The following LARP1B variants were observed in gnomAD, a reference collection of about 807,000 sequenced individuals.
LARP1B encodes the protein la-related protein 1B.
LARP1B carries 76 observed loss-of-function variants against 114.2 expected under a neutral mutation model. The ratio of observed to expected loss-of-function variants is 0.67; its 90% CI spans 0.55 to 0.81. The LOEUF is 0.81. LARP1B is among the 30% of genes least tolerant of loss of function. The pLI is 0.00. For synonymous variants in LARP1B, 345 were observed against 348.0 expected, an observed-to-expected ratio of 0.99 and a Z score of 0.10; for missense variants, 1,014 against 1,075.8, an observed-to-expected ratio of 0.94 and a Z score of 0.80.
chr4:128,206,845 A>G (rs113558519), intron 18 of LARP1B: 17 of 985,220 alleles, frequency 1.7e-5, no homozygotes, highest in Non-Finnish European at 2.0e-5. Flanking sequence ...TCAGCAGGTA[A>G]GCTTGGAAAG....
intron 15 of LARP1B, among the ~76,000 whole-genome samples, chr4:128,191,930 A>G (rs62336168): frequency 0.64 from 97,605 of 151,912 alleles, 31,716 homozygotes; most frequent in Middle Eastern, 0.8. Flanking sequence ...GGCAGATTGC[A>G]GAAAAGGCAT....
At chr4:128,067,969 C>T (rs1353671396) in intron 1 of LARP1B, among the ~76,000 whole-genome samples, 1 of 152,106 alleles carries the variant, frequency 6.6e-6, no homozygotes, top group African/African-American at 2.4e-5. Context: ...CAAGCTCCGC[C>T]TCCCGGGTTC....
chr4:128,096,026 C>T (rs1777841738), intron 7 of LARP1B, among the ~76,000 whole-genome samples: 1 of 142,416 alleles, frequency 7.0e-6, no homozygotes. Context: ...CGGAGTCTCG[C>T]TCTGTTGCCC....
intron 8 of LARP1B, among the ~76,000 whole-genome samples, chr4:128,104,454 C>T (rs780444931): frequency 1.3e-5 from 2 of 151,538 alleles, no homozygotes; most frequent in African/African-American, 4.9e-5. Flanking sequence ...TGCTTTCTTC[C>T]TTTTTTTTGA....
At chr4:128,203,381 T>TC (rs553380819) in intron 17 of LARP1B, among the ~76,000 whole-genome samples, 1 of 140,658 alleles carries the variant, frequency 7.1e-6, no homozygotes, top group Non-Finnish European at 1.5e-5. Flanking sequence ...TCCCTTCCTT[T>TC]CTTTTTTTCT....
intron 12 of LARP1B, among the ~76,000 whole-genome samples, chr4:128,162,576 G>A (rs1323172772): frequency 1.3e-5 from 2 of 152,024 alleles, no homozygotes; most frequent in Non-Finnish European, 2.9e-5. Flanking sequence ...TAAGATTGCT[G>A]GGAATGTTTC....
chr4:128,207,421 C>T, intron 19 of LARP1B, 38 bp downstream of exon 19: 1 of 1,346,820 alleles, frequency 7.4e-7, no homozygotes, highest in Non-Finnish European at 9.8e-7. Flanking sequence ...TTTTTATTAT[C>T]CATATATTTC....
At chr4:128,069,303 T>C in intron 1 of LARP1B, 1 of 851,824 alleles carries the variant, frequency 1.2e-6, no homozygotes, top group Non-Finnish European at 2.0e-6. Context: ...AGCCCCACAG[T>C]GGCATCCAGC....
At chr4:128,218,877 A>ATTT (rs1282605754) in intron 6 of LARP1B, among the ~76,000 whole-genome samples, 1 of 45,814 alleles carries the variant, frequency 2.2e-5, no homozygotes, top group Non-Finnish European at 4.5e-5. Flanking sequence ...ATGGGAGAAA[A>ATTT]TTTTCGCAAC....
rs1785181250 is a variant in LARP1B at position 128,114,600 on chromosome 4, G to C, written c.1019G>C (p.Ser340Thr). ...ESAPNSPRIGSPLSPKKNSET... is the reference protein window; with the variant it reads ...ESAPNSPRIGTPLSPKKNSET... Reference sequence around the variant, plus strand: ...GCCCCAAATTCTCCAAGAATTGGAAGCCCATTGAGCCCAAAGAAAAACAGT... The same window carrying C: ...GCCCCAAATTCTCCAAGAATTGGAACCCCATTGAGCCCAAAGAAAAACAGT... Residue 340 changes from serine to threonine, a missense_variant, in exon 10 of 20, where the codon AGC becomes ACC. Coordinates refer to ENST00000326639, the MANE Select transcript of LARP1B (RefSeq NM_018078.4). 1 of 1,612,058 alleles carries C rather than the reference G, an allele frequency of 6.2e-7. No individual in the cohort carries two copies. Among genetic ancestry groups the C allele is most frequent in the Admixed American group, 1.7e-5 (1 of 59,858 alleles).
chr4:128,079,985 T>TA (rs1280992732), intron 4 of LARP1B, among the ~76,000 whole-genome samples: 84 of 150,220 alleles, frequency 5.6e-4, no homozygotes, highest in Middle Eastern at 3.4e-3. Flanking sequence ...CTAAAATTTG[T>TA]CTTTTTTTTT....
At chr4:128,161,336 T>C (rs10000748) in intron 11 of LARP1B, among the ~76,000 whole-genome samples, 134,695 of 152,156 alleles carry the variant, frequency 0.89, 59,926 homozygotes, top group African/African-American at 0.97. Context: ...CCGGAAACAC[T>C]TAAGTGACTA....
At position 128,155,694 on chromosome 4, in the gene LARP1B, G is replaced by A; in HGVS notation, c.1525-6500G>A. 4 of 1,606,394 alleles carry A rather than the reference G, an allele frequency of 2.5e-6. No homozygotes were observed. The South Asian group carries it at 3.3e-5, about 13-fold the overall frequency. ...CAAGGCCTTGTGAACAGATCAGCCC[G>A]GAGGAAGAGGAGCGCCGCCGAGTAA... On this transcript the variant is annotated intron_variant, in intron 11 of 19. Transcript: ENST00000326639.
chr4:128,086,503 T>A (rs1773617869), intron 5 of LARP1B, among the ~76,000 whole-genome samples: 1 of 152,004 alleles, frequency 6.6e-6, no homozygotes, highest in African/African-American at 2.4e-5. Flanking sequence ...TAATTTTGTA[T>A]TTTTTTGTAG....
Position 128,122,061 on chromosome 4 carries a change from G to T in LARP1B, c.1397G>T (p.Arg466Leu). The change falls in exon 11 of 20, where the codon CGA (arginine) becomes CTA (leucine). Residue 466 changes from arginine (R) to leucine (L), a missense_variant. Transcript: ENST00000326639. ...GTGAAAAAACATCCTGGAGGAGATC[G>T]AACAGGCACCCACATGTCTCGGGCA... ...PYVKKHPGGD[R>L]TGTHMSRAKI... 6.2e-7 allele frequency: 1 copy of T among 1,614,016 alleles called. No homozygotes were observed. Among genetic ancestry groups the T allele is most frequent in the Non-Finnish European group, 8.5e-7 (1 of 1,179,984 alleles).
At position 128,101,334 on chromosome 4, in the gene LARP1B, A is replaced by G. The variant is rs189088342; in HGVS notation, c.813+3004A>G. 7.3e-5 allele frequency among the ~76,000 whole-genome samples: 11 copies of G among 151,602 alleles called. No homozygotes were observed. The East Asian group carries it at 1.4e-3, about 19-fold the overall frequency. On this transcript the variant is annotated intron_variant, in intron 8 of 19. Transcript: ENST00000326639. ...ACTAAAATACAAAAATTAGCTGGAC[A>G]TGGTGACGTGCCTGTAATCCCAGCT...
intron 15 of LARP1B, among the ~76,000 whole-genome samples, chr4:128,188,996 T>C (rs888932668): frequency 6.6e-6 from 1 of 152,218 alleles, no homozygotes; most frequent in Non-Finnish European, 1.5e-5. Context: ...GTTCTATAAA[T>C]GTCACTAGGT....
At chr4:128,181,637 T>C (rs950227953) in intron 15 of LARP1B, among the ~76,000 whole-genome samples, 4 of 152,196 alleles carry the variant, frequency 2.6e-5, no homozygotes, top group African/African-American at 9.7e-5. Flanking sequence ...TTTGTTTTGT[T>C]GTGCTTCATA....
chr4:128,189,324 CTTTTTTTT>C (rs70966089), intron 15 of LARP1B, among the ~76,000 whole-genome samples: 1 of 6,822 alleles, frequency 1.5e-4, no homozygotes, highest in African/African-American at 4.2e-4. Flanking sequence ...AGTATGGCTA[CTTTTTTTT>C]TTTTTTTTTT....
Sources: gnomAD v4.1 joint callset for allele counts (sites outside exome capture counted in the v4.1 genomes callset) on GRCh38, gnomAD v4.1.1 for gene constraint, MANE v1.5 for transcripts, NCBI Gene and HGNC (gene_info 2026-07-23, HGNC 2026-07-21) for gene names.